The following IRAK1BP1 variants were observed in gnomAD, a reference collection of about 807,000 sequenced individuals.
The protein encoded by IRAK1BP1 is interleukin-1 receptor-associated kinase 1-binding protein 1.
A neutral mutation model predicts 28.0 loss-of-function variants in IRAK1BP1; 24 were observed. The ratio of observed to expected loss-of-function variants is 0.86; its 90% confidence interval spans 0.62 to 1.20. The LOEUF (loss-of-function observed/expected upper bound fraction) is 1.20, where lower values mean the gene tolerates loss of function less well. IRAK1BP1 is among the 50% of genes most tolerant of loss of function. The pLI is 0.00. For synonymous variants in IRAK1BP1, 131 were observed against 116.3 expected (o/e 1.13, Z -0.81); for missense variants, 336 against 316.7 (o/e 1.06, Z -0.46).
intron 2 of IRAK1BP1, among the ~76,000 whole-genome samples, chr6:78,892,916 A>G (rs1771715372): frequency 6.6e-6 from 1 of 152,140 alleles, no homozygotes; most frequent in African/African-American, 2.4e-5. Flanking sequence ...AATAAAATGT[A>G]GGACAACATC....
chr6:78,888,448 C>G (rs182194190), intron 2 of IRAK1BP1, among the ~76,000 whole-genome samples: 1 of 151,982 alleles, frequency 6.6e-6, no homozygotes, highest in Admixed American at 6.6e-5. Context: ...ATGCGTATGT[C>G]CAAACTCATC....
intron 4 of IRAK1BP1, among the ~76,000 whole-genome samples, chr6:78,924,548 T>A (rs1278963896): frequency 6.6e-6 from 1 of 152,082 alleles, no homozygotes; most frequent in Non-Finnish European, 1.5e-5. Flanking sequence ...AAAGAGGGAA[T>A]CCTCCCTAAC....
intron 2 of IRAK1BP1, among the ~76,000 whole-genome samples, chr6:78,893,269 GGTGTATATATATGT>G (rs1410439625): frequency 1.5e-5 from 2 of 133,742 alleles, no homozygotes; most frequent in African/African-American, 5.6e-5. Flanking sequence ...AAAACTAAAA[GGTGTATATATATGT>G]GTGTATATAT....
chr6:78,941,035 T>C, intron 4 of IRAK1BP1: 1 of 1,614,094 alleles, frequency 6.2e-7, no homozygotes, highest in African/African-American at 1.3e-5. Context: ...CACGATTCTT[T>C]TTCTGTAACA....
chr6:78,941,364 A>C, intron 4 of IRAK1BP1: 1 of 1,534,748 alleles, frequency 6.5e-7, no homozygotes, highest in Non-Finnish European at 8.8e-7. Context: ...TAATATATGG[A>C]GTTTCTTTTT....
At chr6:78,888,774 C>T (rs1241879680) in intron 2 of IRAK1BP1, among the ~76,000 whole-genome samples, 2 of 152,042 alleles carry the variant, frequency 1.3e-5, no homozygotes, top group African/African-American at 4.8e-5. Flanking sequence ...TCCCAACGTG[C>T]TAGGACTACA....
chr6:78,927,209 G>A (rs1047863745), intron 4 of IRAK1BP1, among the ~76,000 whole-genome samples: 3 of 152,064 alleles, frequency 2.0e-5, no homozygotes, highest in African/African-American at 7.2e-5. Context: ...GCCAACATTT[G>A]TTATTGCCTG....
the IRAK1BP1 span, among the ~76,000 whole-genome samples, chr6:78,951,864 C>T: frequency 6.6e-6 from 1 of 152,150 alleles, no homozygotes; most frequent in African/African-American, 2.4e-5. Flanking sequence ...CCCATTGTGG[C>T]TTTGTCTATA....
At chr6:78,895,081 C>G (rs1162106968) in intron 2 of IRAK1BP1, among the ~76,000 whole-genome samples, 1 of 151,472 alleles carries the variant, frequency 6.6e-6, no homozygotes, top group African/African-American at 2.4e-5. Context: ...GCATTGCACT[C>G]CAGCCTGGGC....
Position 78,875,504 on chromosome 6 carries a change from G to A in IRAK1BP1, c.315+7613G>A, listed in dbSNP as rs527874252. Among the ~76,000 whole-genome samples the A allele has an allele frequency of 7.4e-4, 97 of 130,894 alleles. 1 individual carries two copies. In the South Asian group the frequency reaches 0.012, roughly 16 times the overall value. The allele number at this position is 130,894 out of a possible 152,430, so 85.9% of individuals were successfully genotyped here. ...CCAGGTGCCCATCAACAATGGATTA[G>A]ATAAAGAAAATGTGATGCTTATACA... On this transcript the variant is annotated intron_variant, in intron 1 of 3. Coordinates refer to ENST00000369940, the MANE Select transcript of IRAK1BP1 (RefSeq NM_001010844.4).
In IRAK1BP1 at chr6:78,898,269, G is replaced by A; in HGVS notation, c.718G>A (p.Ala240Thr). The change falls in exon 4 of 4, where the codon GCT becomes ACT. Residue 240 changes from alanine (A) to threonine (T), a missense_variant. Coordinates refer to ENST00000369940, the MANE Select transcript of IRAK1BP1 (RefSeq NM_001010844.4). ...QQKIKSATIH[A>T]ASKVFITFEV... is the part of the protein sequence containing the mutation. ...AAAAATCAAAAGTGCAACAATACAT[G>A]CTGCTTCAAAAGTATTTATAACTTT... 1 of 1,612,070 alleles carries A rather than the reference G, an allele frequency of 6.2e-7. No homozygotes were observed. The highest frequency in any genetic ancestry group is 1.1e-5 in the South Asian group (1 of 90,728).
the IRAK1BP1 span, among the ~76,000 whole-genome samples, chr6:78,959,656 C>T: frequency 1.3e-5 from 2 of 152,062 alleles, no homozygotes; most frequent in African/African-American, 4.8e-5. Context: ...AGGTTTATAA[C>T]AGAGTTTATT....
At chr6:78,973,595 C>G in the IRAK1BP1 span, among the ~76,000 whole-genome samples, 51,438 of 52,342 alleles carry the variant, frequency 0.98, 25,345 homozygotes, top group East Asian at 1. Context: ...ATTGGATAAA[C>G]AGTCAAGACC....
intron 4 of IRAK1BP1, among the ~76,000 whole-genome samples, chr6:78,912,415 G>T (rs1772451596): frequency 6.6e-6 from 1 of 152,126 alleles, no homozygotes; most frequent in Non-Finnish European, 1.5e-5. Context: ...GTATCTTGAA[G>T]TCATTCTAGG....
At chr6:78,926,931 G>T (rs1226492753) in intron 4 of IRAK1BP1, among the ~76,000 whole-genome samples, 1 of 151,962 alleles carries the variant, frequency 6.6e-6, no homozygotes, top group East Asian at 1.9e-4. Context: ...ACCACATTTT[G>T]TTATCCATTC....
At chr6:78,908,344 T>A (rs1388005381) in intron 4 of IRAK1BP1, among the ~76,000 whole-genome samples, 2 of 151,932 alleles carry the variant, frequency 1.3e-5, no homozygotes, top group Non-Finnish European at 2.9e-5. Context: ...GCCACCACAC[T>A]CGGCCATTAT....
downstream of IRAK1BP1, among the ~76,000 whole-genome samples, chr6:78,904,391 C>T (rs1435193739): frequency 2.6e-5 from 4 of 152,348 alleles, no homozygotes; most frequent in Admixed American, 2.0e-4. Context: ...TCCTCACCAG[C>T]AGGCCATAAC....
At chr6:78,926,036 G>A (rs559975185) in intron 4 of IRAK1BP1, among the ~76,000 whole-genome samples, 2 of 152,052 alleles carry the variant, frequency 1.3e-5, no homozygotes, top group Non-Finnish European at 2.9e-5. Flanking sequence ...ACCTACTGAA[G>A]GATGGAGGGT....
At chr6:78,948,945 T>C (rs1245279445), downstream of IRAK1BP1, among the ~76,000 whole-genome samples, 1 of 152,224 alleles carries the variant, frequency 6.6e-6, no homozygotes, top group Non-Finnish European at 1.5e-5. Context: ...CAAATTTTTA[T>C]TTCTTCCTTT....
Sources: allele counts gnomAD v4.1 joint callset (sites outside exome capture counted in the v4.1 genomes callset), GRCh38; gene constraint gnomAD v4.1.1; transcripts MANE v1.5; gene names NCBI Gene and HGNC (gene_info 2026-07-23, HGNC 2026-07-21).